ARHGAP10: variants seen among roughly 807,000 people sequenced by gnomAD.
ARHGAP10 encodes the protein Rho GTPase activating protein 10, also known as rho GTPase-activating protein 10.
ARHGAP10 carries 87 observed loss-of-function variants against 108.6 expected under a neutral mutation model. That is an observed-to-expected ratio of 0.80 (90% CI 0.67 to 0.96). The LOEUF (loss-of-function observed/expected upper bound fraction) is 0.96, where lower values mean the gene tolerates loss of function less well. ARHGAP10 is among the 40% of genes least tolerant of loss of function. The probability of loss-of-function intolerance (pLI) is 0.00; values close to 1 mark genes in which losing one functional copy is unlikely to be tolerated. For missense variants in ARHGAP10, 939 were observed against 954.5 expected, an observed-to-expected ratio of 0.98 and a Z score of 0.21; for synonymous variants, 347 against 341.1, an observed-to-expected ratio of 1.02 and a Z score of -0.19.
chr4:148,005,931 A>G (rs1345665830), intron 18 of ARHGAP10, among the ~76,000 whole-genome samples: 1 of 152,246 alleles, frequency 6.6e-6, no homozygotes, highest in Non-Finnish European at 1.5e-5. Context: ...AGGTGAAACA[A>G]ATACATGTAT....
At chr4:147,789,483 G>T (rs933699304) in intron 1 of ARHGAP10, among the ~76,000 whole-genome samples, 3 of 152,130 alleles carry the variant, frequency 2.0e-5, no homozygotes, top group African/African-American at 7.2e-5. Context: ...GTAGAGATAG[G>T]GTTTCACTCT....
At chr4:147,751,520 C>T (rs557352355) in intron 1 of ARHGAP10, among the ~76,000 whole-genome samples, 12 of 151,814 alleles carry the variant, frequency 7.9e-5, no homozygotes, top group Admixed American at 2.6e-4. Context: ...CATGCTACCA[C>T]GCCTGGCCAT....
chr4:147,992,954 T>G (rs952904503), intron 18 of ARHGAP10, among the ~76,000 whole-genome samples: 1 of 152,242 alleles, frequency 6.6e-6, no homozygotes, highest in Non-Finnish European at 1.5e-5. Context: ...GGAGGGTGTA[T>G]TGAAGAAGGC....
intron 3 of ARHGAP10, among the ~76,000 whole-genome samples, chr4:147,826,284 T>C (rs1732705172): frequency 6.6e-6 from 1 of 152,160 alleles, no homozygotes; most frequent in Admixed American, 6.5e-5. Flanking sequence ...GTAGACAGCA[T>C]GGTTTGCAGA....
chr4:147,872,635 T>G (rs1734878959), intron 7 of ARHGAP10, among the ~76,000 whole-genome samples: 1 of 152,248 alleles, frequency 6.6e-6, no homozygotes, highest in Non-Finnish European at 1.5e-5. Flanking sequence ...AATAGCTGAT[T>G]ACCACACATT....
intron 20 of ARHGAP10, among the ~76,000 whole-genome samples, chr4:148,049,795 G>GTTT (rs150272022): frequency 2.0e-4 from 26 of 132,558 alleles, no homozygotes; most frequent in South Asian, 4.9e-4. Context: ...TCATAAAATT[G>GTTT]TTTTTTTTGT....
chr4:147,798,740 TC>T, intron 1 of ARHGAP10, among the ~76,000 whole-genome samples: 1 of 12,368 alleles, frequency 8.1e-5, no homozygotes, highest in Non-Finnish European at 2.4e-4. Context: ...TCTCTCTCTC[TC>T]TCTCTCTCTC....
intron 1 of ARHGAP10, among the ~76,000 whole-genome samples, chr4:147,819,805 C>T (rs372487365): frequency 4.6e-5 from 7 of 152,122 alleles, no homozygotes; most frequent in Non-Finnish European, 7.4e-5. Flanking sequence ...GTGATCCGCC[C>T]GTCTCGGCCT....
intron 1 of ARHGAP10, among the ~76,000 whole-genome samples, chr4:147,804,653 A>AT (rs1731711391): frequency 6.6e-6 from 1 of 151,892 alleles, no homozygotes; most frequent in Admixed American, 6.6e-5. Flanking sequence ...AGCATTTGTT[A>AT]TTTTTTGACT....
chr4:147,776,978 G>A (rs541493025), intron 1 of ARHGAP10, among the ~76,000 whole-genome samples: 14 of 152,308 alleles, frequency 9.2e-5, no homozygotes, highest in Middle Eastern at 6.8e-3. Context: ...TGACATTGAC[G>A]CTCTGGAGAT....
At chr4:147,790,352 A>G (rs1731068957) in intron 1 of ARHGAP10, among the ~76,000 whole-genome samples, 1 of 152,214 alleles carries the variant, frequency 6.6e-6, no homozygotes, top group Non-Finnish European at 1.5e-5. Flanking sequence ...GTTTCAACAT[A>G]TGAATTTTGG....
intron 18 of ARHGAP10, among the ~76,000 whole-genome samples, chr4:147,975,825 A>G (rs1739571185): frequency 6.6e-6 from 1 of 152,202 alleles, no homozygotes; most frequent in Non-Finnish European, 1.5e-5. Context: ...GTCCAATGTA[A>G]TCACCAGAAT....
At chr4:147,806,066 G>A (rs918162193) in intron 1 of ARHGAP10, among the ~76,000 whole-genome samples, 2 of 151,974 alleles carry the variant, frequency 1.3e-5, no homozygotes, top group African/African-American at 2.4e-5. Flanking sequence ...TAAGCCTTTT[G>A]TTTATATTTA....
At chr4:147,965,203 C>A in intron 17 of ARHGAP10, 74 bp downstream of exon 17, 1 of 1,150,172 alleles carries the variant, frequency 8.7e-7, no homozygotes, top group Non-Finnish European at 1.2e-6. Context: ...GGATTTGTGA[C>A]GGGTGGAACT....
At chr4:147,852,870 C>T (rs1022423385) in intron 4 of ARHGAP10, among the ~76,000 whole-genome samples, 6 of 151,978 alleles carry the variant, frequency 3.9e-5, no homozygotes, top group African/African-American at 9.7e-5. Flanking sequence ...AGACATGCGC[C>T]AGCACGCCAG....
intron 1 of ARHGAP10, among the ~76,000 whole-genome samples, chr4:147,818,303 C>G (rs190692539): frequency 1.3e-5 from 2 of 152,028 alleles, no homozygotes; most frequent in East Asian, 3.9e-4. Flanking sequence ...CGGTGGCTCA[C>G]GCTTGTAATC....
intron 19 of ARHGAP10, among the ~76,000 whole-genome samples, chr4:148,042,927 T>C (rs967209375): frequency 5.9e-5 from 9 of 152,308 alleles, no homozygotes; most frequent in Non-Finnish European, 1.2e-4. Context: ...CCTCAATTTG[T>C]AGAGGCAGTG....
chr4:147,964,010 C>T (rs1214281995), intron 16 of ARHGAP10, among the ~76,000 whole-genome samples: 1 of 152,246 alleles, frequency 6.6e-6, no homozygotes, highest in Admixed American at 6.5e-5. Flanking sequence ...CAAATAAGAT[C>T]GTGTATTAAG....
At chr4:147,739,902 ATTTTTGTAT>A (rs1474357241) in intron 1 of ARHGAP10, among the ~76,000 whole-genome samples, 2 of 150,708 alleles carry the variant, frequency 1.3e-5, no homozygotes, top group African/African-American at 2.4e-5. Flanking sequence ...CACCCGGCTA[ATTTTTGTAT>A]TTTTTGTAGA....
Sources: gnomAD v4.1 joint callset for allele counts (sites outside exome capture counted in the v4.1 genomes callset) on GRCh38, gnomAD v4.1.1 for gene constraint, MANE v1.5 for transcripts, NCBI Gene and HGNC (gene_info 2026-07-23, HGNC 2026-07-21) for gene names.